FOXP1: variants seen among roughly 807,000 people sequenced by gnomAD.
FOXP1 encodes forkhead box P1.
A neutral mutation model predicts 98.2 loss-of-function variants in FOXP1; 15 were observed. The ratio of observed to expected loss-of-function variants is 0.15; its 90% CI spans 0.10 to 0.24. FOXP1 has a LOEUF of 0.24. FOXP1 is among the 10% of genes least tolerant of loss of function. The probability of loss-of-function intolerance (pLI) is 1.00; values close to 1 mark genes in which losing one functional copy is unlikely to be tolerated. For missense variants in FOXP1, 633 were observed against 848.5 expected (o/e 0.75, Z 3.15); for synonymous variants, 371 against 314.5 (o/e 1.18, Z -1.90).
At chr3:71,546,293 A>C (rs867067876) in intron 2 of FOXP1, among the ~76,000 whole-genome samples, 10 of 152,332 alleles carry the variant, frequency 6.6e-5, no homozygotes, top group Middle Eastern at 3.4e-3. Flanking sequence ...GCCAAGGCTA[A>C]AGTTAACATT....
chr3:71,509,204 G>A (rs1379696523), intron 2 of FOXP1, among the ~76,000 whole-genome samples: 2 of 152,212 alleles, frequency 1.3e-5, no homozygotes, highest in African/African-American at 4.8e-5. Flanking sequence ...TTATTAGTCA[G>A]CCAGGGCTGC....
chr3:71,021,064 A>G (rs1200102935), intron 11 of FOXP1, among the ~76,000 whole-genome samples: 2 of 152,220 alleles, frequency 1.3e-5, no homozygotes, highest in Admixed American at 6.5e-5. Context: ...TATAGTTTAC[A>G]TATCATACAA....
intron 2 of FOXP1, chr3:71,567,898 G>A (rs1196429140): frequency 6.6e-6 from 1 of 151,810 alleles, no homozygotes; most frequent in African/African-American, 2.4e-5. Flanking sequence ...GAAGGGCAGG[G>A]AAGGTGACTG....
At chr3:71,256,209 C>T (rs1182241424) in intron 5 of FOXP1, among the ~76,000 whole-genome samples, 1 of 152,048 alleles carries the variant, frequency 6.6e-6, no homozygotes, top group Non-Finnish European at 1.5e-5. Flanking sequence ...AAGACAGAGT[C>T]AATAGCCTGC....
intron 2 of FOXP1, among the ~76,000 whole-genome samples, chr3:71,537,202 C>A (rs1212412115): frequency 6.6e-6 from 1 of 152,176 alleles, no homozygotes; most frequent in Non-Finnish European, 1.5e-5. Flanking sequence ...GCCAATCTGC[C>A]TCCCGAAAGA....
chr3:71,170,643 G>A (rs7617382), intron 6 of FOXP1, among the ~76,000 whole-genome samples: 9,968 of 152,190 alleles, frequency 0.065, 399 homozygotes, highest in African/African-American at 0.11. Flanking sequence ...TATTGCTCGC[G>A]TATTCTTAGC....
chr3:70,981,582 G>A (rs955898579), intron 14 of FOXP1, among the ~76,000 whole-genome samples: 1 of 152,198 alleles, frequency 6.6e-6, no homozygotes, highest in African/African-American at 2.4e-5. Flanking sequence ...TGTAGAAACA[G>A]TAATTTTATT....
chr3:71,423,829 A>G (rs2083865180), intron 3 of FOXP1, among the ~76,000 whole-genome samples: 1 of 152,176 alleles, frequency 6.6e-6, no homozygotes, highest in Non-Finnish European at 1.5e-5. Flanking sequence ...TGAGCCTGAG[A>G]CATCTTCAGT....
chr3:71,187,794 T>C (rs2062736208), intron 6 of FOXP1, among the ~76,000 whole-genome samples: 2 of 152,102 alleles, frequency 1.3e-5, no homozygotes. Context: ...GGAAATATCA[T>C]CCATAGGAAG....
chr3:71,012,724 T>C (rs1195472240), intron 12 of FOXP1, among the ~76,000 whole-genome samples: 1 of 151,846 alleles, frequency 6.6e-6, no homozygotes, highest in African/African-American at 2.4e-5. Context: ...GTTCTAACAA[T>C]ATAAAGACCA....
intron 2 of FOXP1, among the ~76,000 whole-genome samples, chr3:71,540,687 T>C (rs1039618213): frequency 1.3e-5 from 2 of 152,206 alleles, no homozygotes; most frequent in Non-Finnish European, 2.9e-5. Context: ...GTAATTCACC[T>C]AAGGCCTCGC....
At chr3:70,966,999 CTT>C (rs2107041732) in intron 19 of FOXP1, among the ~76,000 whole-genome samples, 1 of 152,294 alleles carries the variant, frequency 6.6e-6, no homozygotes, top group Admixed American at 6.5e-5. Flanking sequence ...GACCCACTGA[CTT>C]TTCATTTCAT....
At chr3:70,980,708 A>ACAAT (rs879672978) in intron 14 of FOXP1, among the ~76,000 whole-genome samples, 19 of 152,348 alleles carry the variant, frequency 1.2e-4, no homozygotes, top group African/African-American at 4.3e-4. Flanking sequence ...CTTATGCATG[A>ACAAT]CAATCAACAC....
intron 6 of FOXP1, among the ~76,000 whole-genome samples, chr3:71,186,239 T>C (rs969669168): frequency 6.6e-6 from 1 of 152,212 alleles, no homozygotes; most frequent in Non-Finnish European, 1.5e-5. Flanking sequence ...ACTCACTAAG[T>C]GAGTCCAACC....
At chr3:71,212,310 G>C (rs1201776031) in intron 5 of FOXP1, among the ~76,000 whole-genome samples, 7 of 152,160 alleles carry the variant, frequency 4.6e-5, no homozygotes, top group Admixed American at 3.3e-4. Flanking sequence ...GGAGACTTAA[G>C]AGACCCTCAT....
Position 71,561,126 on chromosome 3 carries a change from G to A in FOXP1, c.-298+20423C>T, listed in dbSNP as rs183839340. 1.8e-3 allele frequency among the ~76,000 whole-genome samples: 281 copies of A among 151,990 alleles called. 2 individuals carry two copies. The highest frequency in any genetic ancestry group is 5.8e-3 in the Admixed American group (88 of 15,260). On this transcript the variant is annotated intron_variant, in intron 2 of 20. Transcript: ENST00000649528. ...GGCTGGATTGTAGTGGCACGATCTCGGCTCACTGCAACCTCCGACTCCCAG... is the reference window on the plus strand; with the variant it reads ...GGCTGGATTGTAGTGGCACGATCTCAGCTCACTGCAACCTCCGACTCCCAG...
chr3:71,478,155 G>A (rs1291928650), intron 3 of FOXP1, among the ~76,000 whole-genome samples: 2 of 151,874 alleles, frequency 1.3e-5, no homozygotes, highest in South Asian at 2.1e-4. Context: ...TTAATCACTC[G>A]CTGAATCACT....
chr3:71,189,751 T>C (rs1219528491), intron 6 of FOXP1, among the ~76,000 whole-genome samples: 2 of 152,202 alleles, frequency 1.3e-5, no homozygotes, highest in Non-Finnish European at 2.9e-5. Context: ...ATCCAGTCCT[T>C]CCTTTCTCTT....
intron 3 of FOXP1, among the ~76,000 whole-genome samples, chr3:71,401,098 T>G (rs964776450): frequency 5.3e-5 from 8 of 152,248 alleles, no homozygotes; most frequent in African/African-American, 1.9e-4. Context: ...ATTTTATTTT[T>G]TCTAAGAAAA....
Sources: allele counts gnomAD v4.1 joint callset (sites outside exome capture counted in the v4.1 genomes callset), GRCh38; gene constraint gnomAD v4.1.1; transcripts MANE v1.5; gene names NCBI Gene and HGNC (gene_info 2026-07-23, HGNC 2026-07-21).